Variants in PCDHGB4 observed in about 807,000 individuals in gnomAD.
The protein encoded by PCDHGB4 is protocadherin gamma-B4.
Under a neutral mutation model 60.5 loss-of-function variants are expected in PCDHGB4, and 38 were observed. The observed-to-expected ratio is 0.63, with a 90% CI of 0.48 to 0.82. The LOEUF (loss-of-function observed/expected upper bound fraction) is 0.82, where lower values mean the gene tolerates loss of function less well. PCDHGB4 is among the 40% of genes least tolerant of loss of function. The pLI, the probability that PCDHGB4 is intolerant of heterozygous loss-of-function variation, is 0.00. For missense variants in PCDHGB4, 1,109 were observed against 1,209.6 expected (o/e 0.92, Z 1.23); for synonymous variants, 456 against 509.7 (o/e 0.89, Z 1.42).
chr5:141,460,172 G>T (rs545017378), intron 1 of PCDHGB4, among the ~76,000 whole-genome samples: 1 of 151,852 alleles, frequency 6.6e-6, no homozygotes, highest in South Asian at 2.1e-4. Flanking sequence ...ATATTTTGTG[G>T]ATATTTTATC....
chr5:141,410,508 G>T (rs752298772), intron 1 of PCDHGB4: 1 of 1,613,968 alleles, frequency 6.2e-7, no homozygotes, highest in South Asian at 1.1e-5. Context: ...TTCCTAAAAT[G>T]CAGTGTGCCC....
chr5:141,413,272 C>T lies in PCDHGB4; in HGVS notation c.2397+22991C>T, dbSNP rs753942667. Reference sequence around the variant, plus strand: ...CGGGATTCCATGGGAGGCTGGAGCCCGGCAGATCTCCTACTCAATTCCTGA... The same window carrying T: ...CGGGATTCCATGGGAGGCTGGAGCCTGGCAGATCTCCTACTCAATTCCTGA... On this transcript the variant is annotated intron_variant, in intron 1 of 3. Coordinates refer to ENST00000519479, the MANE Select transcript of PCDHGB4 (RefSeq NM_003736.4). 8.1e-6 allele frequency: 13 copies of T among 1,613,944 alleles called. No individual in the cohort carries two copies. In the South Asian group the frequency reaches 1.4e-4, roughly 18 times the overall value.
chr5:141,399,436 C>T (rs550386808), intron 1 of PCDHGB4: 12 of 1,613,996 alleles, frequency 7.4e-6, no homozygotes, highest in Admixed American at 3.3e-5. Context: ...CGTCATCCTA[C>T]ATATCAGAGA....
chr5:141,486,745 C>T lies in PCDHGB4; in HGVS notation c.2398-8062C>T, dbSNP rs1167986336. On this transcript the variant is annotated intron_variant, in intron 1 of 3. Coordinates refer to ENST00000519479, the MANE Select transcript of PCDHGB4 (RefSeq NM_003736.4). This position sits in a 1 kb window ranked among gnomAD's most constrained non-coding sequence, Gnocchi z 5.0. ...CTGTTCATGCTACTCGATCCTTTGA[C>T]TATGAGCAAACCCAGACACTGCAGT... 3.1e-6 allele frequency: 5 copies of T among 1,614,226 alleles called. No homozygotes were observed. The highest frequency in any genetic ancestry group is 3.4e-6 in the Non-Finnish European group (4 of 1,180,044).
intron 1 of PCDHGB4, chr5:141,399,490 G>A (rs750081604): frequency 1.1e-5 from 17 of 1,614,036 alleles, no homozygotes; most frequent in Non-Finnish European, 1.4e-5. Flanking sequence ...GTCCTACTTA[G>A]TCAGTGTACC....
Position 141,491,665 on chromosome 5 carries a change from C to T in PCDHGB4, c.2398-3142C>T, listed in dbSNP as rs749918160. 6.2e-7 allele frequency: 1 copy of T among 1,613,764 alleles called. No homozygotes were observed. The highest frequency in any genetic ancestry group is 8.5e-7 in the Non-Finnish European group (1 of 1,180,000). On this transcript the variant is annotated intron_variant, in intron 1 of 3. Transcript: ENST00000519479. The surrounding 1 kb of genome is among the most constrained non-coding windows in gnomAD (Gnocchi z 6.9). ...TCTGGCGCTGGAGCCTGACGCCATCCGGTCCCGCTCTAATACGCTGCGGGA... is the reference window on the plus strand; with the variant it reads ...TCTGGCGCTGGAGCCTGACGCCATCTGGTCCCGCTCTAATACGCTGCGGGA...
chr5:141,490,009 A>T lies in PCDHGB4; in HGVS notation c.2398-4798A>T. Reference sequence around the variant, plus strand: ...TGTGGGAATCCCAGAGAATGCACCCATTGGTACTCTGCTGCTCCGCCTCAA... The same window carrying T: ...TGTGGGAATCCCAGAGAATGCACCCTTTGGTACTCTGCTGCTCCGCCTCAA... On this transcript the variant is annotated intron_variant, in intron 1 of 3. Transcript: ENST00000519479. The surrounding 1 kb of genome is among the most constrained non-coding windows in gnomAD (Gnocchi z 5.4). 5 of 1,614,214 alleles carry T rather than the reference A, an allele frequency of 3.1e-6. No individual in the cohort carries two copies. The highest frequency in any genetic ancestry group is 4.2e-6 in the Non-Finnish European group (5 of 1,180,032).
At position 141,433,356 on chromosome 5, in the gene PCDHGB4, T is replaced by A. The variant is rs549297958; in HGVS notation, c.2397+43075T>A. On this transcript the variant is annotated intron_variant, in intron 1 of 3. Transcript: ENST00000519479. ...CTACAGGTGCAAGCCACCTACTGTC[T>A]GCCTATCTATCTATCTATCTATCTA... The A allele has an allele frequency of 8.4e-5, 51 of 607,892 alleles. No homozygotes were observed. The African/African-American group carries it at 9.5e-4, about 11-fold the overall frequency. 37.7% of individuals were successfully genotyped at this position (607,892 alleles called of 1,614,324 possible).
intron 1 of PCDHGB4, among the ~76,000 whole-genome samples, chr5:141,456,124 C>G (rs2098844023): frequency 6.6e-6 from 1 of 152,072 alleles, no homozygotes. Context: ...GTCTCCATCT[C>G]CTGACCTCCT....
At chr5:141,416,010 A>T (rs968655183) in intron 1 of PCDHGB4, 5 of 245,908 alleles carry the variant, frequency 2.0e-5, no homozygotes, top group Non-Finnish European at 3.0e-5. Flanking sequence ...TGGTAAGAAT[A>T]GGTAAGTATC....
intron 1 of PCDHGB4, among the ~76,000 whole-genome samples, chr5:141,436,896 A>C (rs567359498): frequency 6.6e-6 from 1 of 152,368 alleles, no homozygotes; most frequent in East Asian, 1.9e-4. Context: ...AAAGATTTTT[A>C]TATGAGACAA....
At position 141,476,973 on chromosome 5, in the gene PCDHGB4, A is replaced by C. The variant is rs1205314116; in HGVS notation, c.2398-17834A>C. Reference sequence around the variant, plus strand: ...GAAATTATTTACTCCTTCGGCAGCCACAACCGCGCCGGCGTGCGGCAACTA... The same window carrying C: ...GAAATTATTTACTCCTTCGGCAGCCCCAACCGCGCCGGCGTGCGGCAACTA... On this transcript the variant is annotated intron_variant, in intron 1 of 3. Coordinates refer to ENST00000519479, the MANE Select transcript of PCDHGB4 (RefSeq NM_003736.4). The surrounding 1 kb of genome is among the most constrained non-coding windows in gnomAD (Gnocchi z 7.6). 6.2e-7 allele frequency: 1 copy of C among 1,614,230 alleles called. No homozygotes were observed. The highest frequency in any genetic ancestry group is 2.2e-5 in the East Asian group (1 of 44,884).
At chr5:141,504,206 A>G (rs1209911822) in intron 2 of PCDHGB4, among the ~76,000 whole-genome samples, 1 of 152,218 alleles carries the variant, frequency 6.6e-6, no homozygotes, top group African/African-American at 2.4e-5. Flanking sequence ...CTGTGGGAAA[A>G]TTCCAAGTAG....
rs560733170 is a variant in PCDHGB4, at chr5:141,503,895, A to G, written c.2457-1498A>G. ...TTGTGCTCACCCACCATGACAAAATATGCACACACACAACGCAACACACAC... is the reference window on the plus strand; with the variant it reads ...TTGTGCTCACCCACCATGACAAAATGTGCACACACACAACGCAACACACAC... On this transcript the variant is annotated intron_variant, in intron 2 of 3. Transcript: ENST00000519479. Among the ~76,000 whole-genome samples, 12 of 152,302 alleles carry G rather than the reference A, an allele frequency of 7.9e-5. No individual in the cohort carries two copies. The South Asian group carries it at 2.1e-3, about 26-fold the overall frequency.
chr5:141,453,676 C>T (rs1387074223), intron 1 of PCDHGB4, among the ~76,000 whole-genome samples: 1 of 152,174 alleles, frequency 6.6e-6, no homozygotes, highest in Admixed American at 6.6e-5. Flanking sequence ...AAAGGTAACA[C>T]ACTATGTAGG....
At chr5:141,392,322 A>G (rs2092513343) in intron 1 of PCDHGB4, 1 of 152,296 alleles carries the variant, frequency 6.6e-6, no homozygotes, top group South Asian at 2.1e-4. Flanking sequence ...TTAAGACCAA[A>G]TGTATTGCAG....
intron 1 of PCDHGB4, among the ~76,000 whole-genome samples, chr5:141,454,194 G>A (rs949915652): frequency 6.6e-5 from 10 of 152,304 alleles, no homozygotes; most frequent in Non-Finnish European, 4.4e-5. Context: ...CTTAGTGAAG[G>A]TGAATTTATT....
chr5:141,486,879 G>A lies in PCDHGB4; in HGVS notation c.2398-7928G>A, dbSNP rs1371072899. 7 of 1,614,228 alleles carry A rather than the reference G, an allele frequency of 4.3e-6. No homozygotes were observed. Among genetic ancestry groups the A allele is most frequent in the Non-Finnish European group, 4.2e-6 (5 of 1,180,046 alleles). On this transcript the variant is annotated intron_variant, in intron 1 of 3. Coordinates refer to ENST00000519479, the MANE Select transcript of PCDHGB4 (RefSeq NM_003736.4). The surrounding 1 kb of genome is among the most constrained non-coding windows in gnomAD (Gnocchi z 5.0). Reference sequence around the variant, plus strand: ...AATGCTCCAGCTGTGCTCCGTCCTCGGGCCCGGCCTGGTTCCTTATGTCCC... The same window carrying A: ...AATGCTCCAGCTGTGCTCCGTCCTCAGGCCCGGCCTGGTTCCTTATGTCCC...
intron 1 of PCDHGB4, chr5:141,479,417 T>A (rs2099495481): frequency 6.6e-6 from 1 of 152,210 alleles, no homozygotes; most frequent in Non-Finnish European, 1.5e-5. Context: ...ACTATGCTGA[T>A]CAATTGATCA....
Sources: gnomAD v4.1 joint callset for allele counts (sites outside exome capture counted in the v4.1 genomes callset) on GRCh38, gnomAD v4.1.1 for gene constraint, Gnocchi (gnomAD v3.1) non-coding constraint, MANE v1.5 for transcripts, NCBI Gene and HGNC (gene_info 2026-07-23, HGNC 2026-07-21) for gene names.